CDC42BPA: variants seen among roughly 807,000 people sequenced by gnomAD.
The protein encoded by CDC42BPA is CDC42 binding protein kinase alpha.
Under a neutral mutation model 223.5 loss-of-function variants are expected in CDC42BPA, and 80 were observed. The observed-to-expected ratio is 0.36, with a 90% CI of 0.30 to 0.43. The LOEUF (loss-of-function observed/expected upper bound fraction) is 0.43. Among genes scored for constraint, CDC42BPA ranks in the 20% least tolerant of loss-of-function variants. CDC42BPA has a pLI of 1.00. For missense variants in CDC42BPA, 1,743 were observed against 2,099.9 expected, an observed-to-expected ratio of 0.83 and a Z score of 3.32; for synonymous variants, 694 against 718.6, an observed-to-expected ratio of 0.97 and a Z score of 0.55.
chr1:227,253,823 C>T (rs1157323446), intron 2 of CDC42BPA, among the ~76,000 whole-genome samples: 1 of 151,976 alleles, frequency 6.6e-6, no homozygotes, highest in Non-Finnish European at 1.5e-5. Flanking sequence ...TTTACATTGA[C>T]ATATGAAGTA....
chr1:227,260,673 G>C (rs542776563), intron 1 of CDC42BPA, among the ~76,000 whole-genome samples: 1 of 151,286 alleles, frequency 6.6e-6, no homozygotes, highest in East Asian at 1.9e-4. Context: ...AGAGAACAGA[G>C]AGTGCTGGAG....
At chr1:227,230,297 T>C (rs965520758) in intron 2 of CDC42BPA, among the ~76,000 whole-genome samples, 54 of 152,224 alleles carry the variant, frequency 3.5e-4, no homozygotes, top group Non-Finnish European at 3.4e-4. Context: ...GAACAGCTGG[T>C]GTAATATAAG....
intron 5 of CDC42BPA, among the ~76,000 whole-genome samples, chr1:227,179,812 A>G (rs1258384976): frequency 2.0e-5 from 3 of 151,908 alleles, no homozygotes; most frequent in Non-Finnish European, 4.4e-5. Context: ...AAGTAGTAAT[A>G]TATAAATGAC....
chr1:226,997,784 G>A (rs1046943258), intron 35 of CDC42BPA, among the ~76,000 whole-genome samples: 1 of 152,138 alleles, frequency 6.6e-6, no homozygotes, highest in African/African-American at 2.4e-5. Context: ...TTAATCCTGA[G>A]TTCTAATTTG....
In CDC42BPA at chr1:226,994,874, A is replaced by C. The variant is rs1045247; in HGVS notation, c.5082T>G (p.Ser1694=). ...CATCACTTCCTTGGTCCATGCCTCC[A>C]GAGGACAAAGAGCCCTCTGACGGGG... ...MPSPSEGSLS[S]GGMDQGSDAP... Residue 1694 remains serine, a synonymous_variant, in exon 36 of 37, where the codon TCT becomes TCG. Transcript: ENST00000366766. The surrounding 1 kb of genome is among the most constrained non-coding windows in gnomAD (Gnocchi z 4.0). 1.2e-6 allele frequency: 2 copies of C among 1,613,922 alleles called. No homozygotes were observed. Among genetic ancestry groups the C allele is most frequent in the Non-Finnish European group, 1.7e-6 (2 of 1,179,924 alleles).
Position 227,023,362 on chromosome 1 carries a change from A to G in CDC42BPA, c.4531-15T>C, listed in dbSNP as rs1304367525. 1.5e-6 allele frequency: 2 copies of G among 1,365,888 alleles called. No homozygotes were observed. The highest frequency in any genetic ancestry group is 4.7e-5 in the East Asian group (2 of 42,246). 84.6% of individuals were successfully genotyped at this position (1,365,888 alleles called of 1,614,324 possible). A position where few individuals can be genotyped will look rare whatever the true frequency, so the allele number is the denominator to read the frequency against. On this transcript the variant is annotated splice_polypyrimidine_tract_variant and intron_variant, in intron 31 of 36. Coordinates refer to ENST00000366766, the MANE Select transcript of CDC42BPA (RefSeq NM_001394014.1). Reference sequence around the variant, plus strand: ...AAGGGTCGAACCTAAAATAAAAGACAAAATTAGTATTTCAACAAAACCTTT... The same window carrying G: ...AAGGGTCGAACCTAAAATAAAAGACGAAATTAGTATTTCAACAAAACCTTT...
At chr1:227,175,828 C>T (rs1666858317) in intron 5 of CDC42BPA, among the ~76,000 whole-genome samples, 1 of 152,120 alleles carries the variant, frequency 6.6e-6, no homozygotes, top group African/African-American at 2.4e-5. Flanking sequence ...GCAATTTCTC[C>T]AAGTAGCCTG....
At chr1:227,071,252 T>C (rs930832594) in intron 20 of CDC42BPA, among the ~76,000 whole-genome samples, 3 of 151,926 alleles carry the variant, frequency 2.0e-5, no homozygotes, top group Non-Finnish European at 4.4e-5. Context: ...CCACCAGTTT[T>C]ATCTCACTGT....
At chr1:227,046,018 T>C (rs1672368719) in intron 23 of CDC42BPA, among the ~76,000 whole-genome samples, 1 of 152,008 alleles carries the variant, frequency 6.6e-6, no homozygotes, top group Non-Finnish European at 1.5e-5. Flanking sequence ...GCTGCCCAGG[T>C]AGGTCTCGAA....
chr1:227,094,446 C>A (rs1420415010), intron 15 of CDC42BPA, among the ~76,000 whole-genome samples: 1 of 152,174 alleles, frequency 6.6e-6, no homozygotes, highest in Non-Finnish European at 1.5e-5. Flanking sequence ...AGTGAAAATG[C>A]CTGTCAAACA....
chr1:227,191,205 C>T (rs1413004172), intron 5 of CDC42BPA, among the ~76,000 whole-genome samples: 1 of 151,892 alleles, frequency 6.6e-6, no homozygotes, highest in African/African-American at 2.4e-5. Flanking sequence ...ATTAGCCAGG[C>T]TTCATGGCGC....
intron 15 of CDC42BPA, among the ~76,000 whole-genome samples, chr1:227,092,832 G>A (rs539511399): frequency 1.3e-5 from 2 of 151,982 alleles, no homozygotes; most frequent in African/African-American, 2.4e-5. Flanking sequence ...TGTATATACC[G>A]ATTTTATTAG....
intron 15 of CDC42BPA, among the ~76,000 whole-genome samples, chr1:227,095,685 A>G (rs1004677611): frequency 1.3e-5 from 2 of 149,364 alleles, no homozygotes; most frequent in Non-Finnish European, 3.0e-5. Flanking sequence ...TCCGCCTTTC[A>G]GGTTCAAGCA....
intron 1 of CDC42BPA, among the ~76,000 whole-genome samples, chr1:227,294,859 CAAAAAAA>C (rs397983087): frequency 3.1e-4 from 4 of 12,816 alleles, no homozygotes; most frequent in East Asian, 3.8e-3. Flanking sequence ...GACTCCGTCT[CAAAAAAA>C]AAAAAAAAAA....
intron 14 of CDC42BPA, among the ~76,000 whole-genome samples, chr1:227,107,306 T>C (rs1686099063): frequency 6.6e-6 from 1 of 152,228 alleles, no homozygotes; most frequent in Non-Finnish European, 1.5e-5. Flanking sequence ...TTAAGTGGAA[T>C]TGCTTTCTTA....
chr1:227,261,124 C>CTTTCTTTTTTTTTTTTTTTTTTTTTTTT (rs386417862), intron 1 of CDC42BPA, among the ~76,000 whole-genome samples: 1 of 121,002 alleles, frequency 8.3e-6, no homozygotes. Flanking sequence ...TTGAGTTTTT[C>CTTTCTTTTTTTTTTTTTTTTTTTTTTTT]TTTTTTTTTG....
intron 2 of CDC42BPA, among the ~76,000 whole-genome samples, chr1:227,249,631 G>T (rs1389010609): frequency 6.6e-6 from 1 of 152,132 alleles, no homozygotes; most frequent in African/African-American, 2.4e-5. Flanking sequence ...TTTAAAATGG[G>T]CTAAAGATTT....
chr1:227,283,420 T>C (rs1001289237), intron 1 of CDC42BPA, among the ~76,000 whole-genome samples: 5 of 152,228 alleles, frequency 3.3e-5, no homozygotes, highest in African/African-American at 4.8e-5. Flanking sequence ...ACTAATAGTT[T>C]ATAAAATTTT....
At chr1:227,132,922 C>G (rs1175039655) in intron 10 of CDC42BPA, among the ~76,000 whole-genome samples, 1 of 149,868 alleles carries the variant, frequency 6.7e-6, no homozygotes, top group South Asian at 2.1e-4. Context: ...AGGTGAGGAG[C>G]CCCTCCGCCC....
Sources: allele counts gnomAD v4.1 joint callset (sites outside exome capture counted in the v4.1 genomes callset), GRCh38; gene constraint gnomAD v4.1.1; non-coding constraint Gnocchi (gnomAD v3.1); transcripts MANE v1.5; gene names NCBI Gene and HGNC (gene_info 2026-07-23, HGNC 2026-07-21).